Variants in LPCAT2 observed in about 807,000 individuals in gnomAD.
LPCAT2 encodes the protein lysophosphatidylcholine acyltransferase 2.
Under a neutral mutation model 64.7 loss-of-function variants are expected in LPCAT2, and 58 were observed. That is an observed-to-expected ratio of 0.90 (90% CI 0.73 to 1.12). The LOEUF (loss-of-function observed/expected upper bound fraction) is 1.12, where lower values mean the gene tolerates loss of function less well. LPCAT2 is among the 50% of genes most tolerant of loss of function. The pLI is 0.00. For missense variants in LPCAT2, 579 were observed against 669.8 expected, an observed-to-expected ratio of 0.86 and a Z score of 1.50; for synonymous variants, 252 against 245.3, an observed-to-expected ratio of 1.03 and a Z score of -0.26.
chr16:55,578,064 C>T (rs914579466), intron 12 of LPCAT2, among the ~76,000 whole-genome samples: 26 of 152,150 alleles, frequency 1.7e-4, no homozygotes, highest in African/African-American at 6.0e-4. Context: ...AACACACCCC[C>T]TTAGCTTCTA....
chr16:55,544,525 A>G (rs1487110391), intron 8 of LPCAT2, among the ~76,000 whole-genome samples: 2 of 152,196 alleles, frequency 1.3e-5, no homozygotes, highest in Non-Finnish European at 2.9e-5. Flanking sequence ...TGGGGGAAAA[A>G]TTAATGAAAT....
chr16:55,529,650 G>A (rs1325142953), intron 3 of LPCAT2, among the ~76,000 whole-genome samples, 185 bp from the exon 4 acceptor site: 16 of 152,148 alleles, frequency 1.1e-4, no homozygotes, highest in Admixed American at 1.0e-3. Flanking sequence ...TTAATGAAAT[G>A]TTTTTAGTTG....
At chr16:55,538,950 G>C (rs1446398184) in intron 8 of LPCAT2, 1 of 152,008 alleles carries the variant, frequency 6.6e-6, no homozygotes, top group Non-Finnish European at 1.5e-5. Flanking sequence ...CACTGCTCTT[G>C]CTTCTTTAAT....
intron 1 of LPCAT2, among the ~76,000 whole-genome samples, chr16:55,524,589 G>A (rs1460185366): frequency 6.6e-6 from 1 of 151,736 alleles, no homozygotes; most frequent in African/African-American, 2.4e-5. Flanking sequence ...GAATATATTG[G>A]CATTTTTTCT....
chr16:55,509,404 G>A lies in LPCAT2; in HGVS notation c.171+52G>A, dbSNP rs550252633. On this transcript the variant is annotated intron_variant, in intron 1 of 13. Coordinates refer to ENST00000262134, the MANE Select transcript of LPCAT2 (RefSeq NM_017839.5). ...GGTGGTCTGAGGGGGGCCTAGGTCA[G>A]AGGGGGGTCCAGGTAAGGGGTGTGG... is the stretch of plus-strand genomic sequence containing the variant. 1,197 of 1,273,122 alleles carry A rather than the reference G, an allele frequency of 9.4e-4. 6 individuals are homozygous for A. Among genetic ancestry groups the A allele is most frequent in the Non-Finnish European group, 6.4e-4 (634 of 991,412 alleles). The allele number at this position is 1,273,122 out of a possible 1,614,324, so 78.9% of individuals were successfully genotyped here. A position where few individuals can be genotyped will look rare whatever the true frequency, so the allele number is the denominator to read the frequency against.
chr16:55,577,859 G>A (rs1963845160), intron 12 of LPCAT2, among the ~76,000 whole-genome samples: 1 of 151,874 alleles, frequency 6.6e-6, no homozygotes, highest in Admixed American at 6.6e-5. Context: ...CATATTTCTT[G>A]CCTCTGCTTT....
In LPCAT2 at chr16:55,525,649, T is replaced by A; in HGVS notation, c.311+2T>A. On this transcript the variant is annotated splice_donor_variant, in intron 2 of 13. Transcript: ENST00000262134. LOFTEE classifies it high-confidence loss of function. ...CCACCCAATAACTGGTTGGAGGAGG[T>A]AAGAAATAATTTTGTCCAAAATATT... The A allele has an allele frequency of 6.3e-7, 1 of 1,594,100 alleles. No individual in the cohort carries two copies. Among genetic ancestry groups the A allele is most frequent in the Non-Finnish European group, 8.5e-7 (1 of 1,172,118 alleles).
chr16:55,545,871 A>T (rs1963447964), intron 9 of LPCAT2, 54 bp downstream of exon 9: 1 of 1,394,968 alleles, frequency 7.2e-7, no homozygotes, highest in African/African-American at 1.4e-5. Flanking sequence ...TTATTTGTGC[A>T]TGTCGTTTAA....
intron 8 of LPCAT2, among the ~76,000 whole-genome samples, chr16:55,544,751 A>C (rs956967829): frequency 1.3e-5 from 2 of 152,098 alleles, no homozygotes; most frequent in African/African-American, 2.4e-5. Flanking sequence ...CCCTGACAAA[A>C]TTAATCCTTT....
At chr16:55,553,202 C>T (rs1963537983) in intron 11 of LPCAT2, among the ~76,000 whole-genome samples, 1 of 152,010 alleles carries the variant, frequency 6.6e-6, no homozygotes, top group Non-Finnish European at 1.5e-5. Context: ...CATGCCATTG[C>T]ACTCCAGCTG....
At chr16:55,569,762 T>C (rs1306487147) in intron 11 of LPCAT2, among the ~76,000 whole-genome samples, 4 of 152,194 alleles carry the variant, frequency 2.6e-5, no homozygotes, top group African/African-American at 9.6e-5. Context: ...TCAGAGTGGA[T>C]ACTAGAACTA....
chr16:55,535,231 A>C (rs1329382483), intron 7 of LPCAT2, among the ~76,000 whole-genome samples: 2 of 152,178 alleles, frequency 1.3e-5, no homozygotes, highest in African/African-American at 4.8e-5. Flanking sequence ...CTCAGATAAC[A>C]TTGTTGATGG....
At chr16:55,558,678 G>A (rs1474413103) in intron 11 of LPCAT2, among the ~76,000 whole-genome samples, 1 of 152,098 alleles carries the variant, frequency 6.6e-6, no homozygotes, top group Non-Finnish European at 1.5e-5. Flanking sequence ...AGACCACATG[G>A]TGTCTGTTAC....
intron 1 of LPCAT2, 56 bp from the exon 2 acceptor site, chr16:55,525,452 T>C (rs1210825588): frequency 4.7e-6 from 7 of 1,500,908 alleles, no homozygotes; most frequent in Non-Finnish European, 6.4e-6. Flanking sequence ...TTCTGTTTGA[T>C]AGCCATGAAT....
chr16:55,516,734 G>A (rs890688989), intron 1 of LPCAT2, among the ~76,000 whole-genome samples: 27 of 152,246 alleles, frequency 1.8e-4, no homozygotes, highest in African/African-American at 6.3e-4. Context: ...GTAGAACAAT[G>A]AGACAGTATC....
Position 55,531,994 on chromosome 16 carries a change from G to A in LPCAT2, c.703+20G>A. ...AACCAGGTGAGAAAAATTAAATTAT[G>A]TATTCTAACAAAGTAATATGTGAGA... is the stretch of plus-strand genomic sequence containing the variant. On this transcript the variant is annotated intron_variant, in intron 5 of 13. Transcript: ENST00000262134. The A allele has an allele frequency of 1.4e-6, 2 of 1,403,030 alleles. No homozygotes were observed. The highest frequency in any genetic ancestry group is 1.2e-5 in the South Asian group (1 of 85,982). 86.9% of individuals were successfully genotyped at this position (1,403,030 alleles called of 1,614,324 possible).
chr16:55,514,011 C>T (rs764487797), intron 1 of LPCAT2, among the ~76,000 whole-genome samples: 14 of 152,016 alleles, frequency 9.2e-5, no homozygotes, highest in South Asian at 8.3e-4. Flanking sequence ...AAGGCCAGCC[C>T]GGGCAACATA....
At chr16:55,535,559 A>G (rs1454922850) in intron 7 of LPCAT2, among the ~76,000 whole-genome samples, 1 of 152,216 alleles carries the variant, frequency 6.6e-6, no homozygotes, top group Non-Finnish European at 1.5e-5. Flanking sequence ...TAAACAGCAT[A>G]TTATCTTTCA....
intron 2 of LPCAT2, among the ~76,000 whole-genome samples, chr16:55,526,496 A>G (rs1241762408): frequency 6.6e-6 from 1 of 152,188 alleles, no homozygotes; most frequent in Admixed American, 6.5e-5. Flanking sequence ...AAATTTTGAG[A>G]AAGACTGTTC....
Sources: allele counts gnomAD v4.1 joint callset (sites outside exome capture counted in the v4.1 genomes callset), GRCh38; gene constraint gnomAD v4.1.1; transcripts MANE v1.5; gene names NCBI Gene and HGNC (gene_info 2026-07-23, HGNC 2026-07-21).